ATP7B: variants seen among roughly 807,000 people sequenced by gnomAD.
ATP7B encodes the protein copper-transporting ATPase 2.
A neutral mutation model predicts 118.9 loss-of-function variants in ATP7B; 113 were observed. That is an observed-to-expected ratio of 0.95 (90% CI 0.82 to 1.11). The LOEUF is 1.11. Among genes scored for constraint, ATP7B ranks in the 50% most tolerant of loss-of-function variants. The probability of loss-of-function intolerance (pLI) is 0.00; values close to 1 mark genes in which losing one functional copy is unlikely to be tolerated. For synonymous variants in ATP7B, 777 were observed against 727.4 expected (o/e 1.07, Z -1.10); for missense variants, 1,867 against 1,871.4 (o/e 1.00, Z 0.04).
intron 7 of ATP7B, chr13:51,958,990 G>A: frequency 4.6e-6 from 1 of 215,338 alleles, no homozygotes; most frequent in Non-Finnish European, 9.4e-6. Context: ...AAAAAAGTCT[G>A]TATCTGTATT....
chr13:51,963,966 C>A (rs770362185), intron 5 of ATP7B, among the ~76,000 whole-genome samples: 5 of 150,450 alleles, frequency 3.3e-5, no homozygotes, highest in Non-Finnish European at 5.9e-5. Context: ...GTAGGAGAAT[C>A]TCTTGACCTG....
intron 1 of ATP7B, among the ~76,000 whole-genome samples, chr13:52,003,738 C>A (rs1287602762): frequency 6.6e-6 from 1 of 152,206 alleles, no homozygotes; most frequent in Non-Finnish European, 1.5e-5. Flanking sequence ...GGGCTTGCGG[C>A]CACAGGAGGA....
rs761251108 is a variant in ATP7B, at chr13:51,974,320, C to A, written c.900G>T (p.Lys300Asn). ...VSLENKTAQV[K>N]YDPSCTSPVA... is the part of the protein sequence containing the mutation. The stretch of plus-strand genomic sequence containing the variant: ...CTGGGCTGGTACAAGAAGGGTCATA[C>A]TTTACTTGGGCAGTTTTGTTCTCCA... The change falls in exon 2 of 21, where the codon AAG (lysine) becomes AAT (asparagine). Residue 300 changes from lysine to asparagine, a missense_variant. Coordinates refer to ENST00000242839, the MANE Select transcript of ATP7B (RefSeq NM_000053.4). 6.2e-7 allele frequency: 1 copy of A among 1,614,128 alleles called. No homozygotes were observed. Among genetic ancestry groups the A allele is most frequent in the East Asian group, 2.2e-5 (1 of 44,882 alleles).
rs1027290520 is a variant in ATP7B at position 51,952,704 on chromosome 13, T to C, written c.2448-2305A>G. On this transcript the variant is annotated intron_variant, in intron 9 of 20. Transcript: ENST00000242839. ...CAGGCATGTATGTTAAATATTTGCA[T>C]CATTATTTTCCTTTGTAAAAATTGT... Among the ~76,000 whole-genome samples, 5 of 152,368 alleles carry C rather than the reference T, an allele frequency of 3.3e-5. No homozygotes were observed. In the South Asian group the frequency reaches 1.0e-3, roughly 32 times the overall value.
chr13:51,995,627 G>T (rs537286819), intron 1 of ATP7B, among the ~76,000 whole-genome samples: 1 of 152,210 alleles, frequency 6.6e-6, no homozygotes, highest in Non-Finnish European at 1.5e-5. Context: ...GTGTTAGAGA[G>T]AAATGCTTTA....
chr13:51,937,023 G>C (rs1015367010), intron 19 of ATP7B, among the ~76,000 whole-genome samples: 8 of 152,056 alleles, frequency 5.3e-5, no homozygotes, highest in African/African-American at 1.9e-4. Context: ...AATAAAATAG[G>C]GATCAGAAAA....
intron 9 of ATP7B, among the ~76,000 whole-genome samples, chr13:51,956,636 C>G (rs912237207): frequency 6.6e-6 from 1 of 152,132 alleles, no homozygotes; most frequent in Non-Finnish European, 1.5e-5. Flanking sequence ...TCCATCTGAA[C>G]ACTTCTCCTT....
At chr13:51,942,871 G>C (rs1566470556) in intron 14 of ATP7B, among the ~76,000 whole-genome samples, 1 of 152,158 alleles carries the variant, frequency 6.6e-6, no homozygotes, top group Non-Finnish European at 1.5e-5. Flanking sequence ...AAAGGAAAAA[G>C]GCAACTCATA....
intron 7 of ATP7B, chr13:51,958,810 G>A: frequency 2.0e-6 from 1 of 500,386 alleles, no homozygotes; most frequent in Non-Finnish European, 3.6e-6. Flanking sequence ...ATGGTGAAAA[G>A]TTGGGGAAAA....
intron 1 of ATP7B, among the ~76,000 whole-genome samples, chr13:52,002,588 A>AGTGGAGGGGAGGGGAAGGGGAAAGGG (rs1953553579): frequency 1.2e-5 from 1 of 85,180 alleles, no homozygotes; most frequent in African/African-American, 4.5e-5. Flanking sequence ...GGGAGAGGGG[A>AGTGGAGGGGAGGGGAAGGGGAAAGGG]GGGGAGGGGA....
intron 10 of ATP7B, 22 bp from the exon 11 acceptor site, chr13:51,950,183 C>G (rs377578178): frequency 1.2e-6 from 2 of 1,614,176 alleles, no homozygotes; most frequent in African/African-American, 1.3e-5. Flanking sequence ...AAAGAGACAA[C>G]TGTCACTTGC....
chr13:51,935,482 T>A (rs1226829249), intron 20 of ATP7B, 111 bp downstream of exon 20: 1 of 1,206,474 alleles, frequency 8.3e-7, no homozygotes, highest in Non-Finnish European at 1.2e-6. Context: ...CTGCAGCATT[T>A]GTCCCAGGTG....
chr13:51,934,961 G>C lies in ATP7B; in HGVS notation c.4193C>G (p.Ser1398Cys), dbSNP rs754397173. 1 of 1,614,070 alleles carries C rather than the reference G, an allele frequency of 6.2e-7. No individual in the cohort carries two copies. The highest frequency in any genetic ancestry group is 1.1e-5 in the South Asian group (1 of 91,080). ...CATGCCTATGTGCACACTGACCTGG[G>C]ATGCCGTCAGGGGCTTCATGTGGCC... ...AHGHMKPLTA[S>C]QVSVHIGMDD... Residue 1398 changes from serine to cysteine, a missense_variant, in exon 21 of 21, where the codon TCC (serine) becomes TGC (cysteine). By Grantham distance (112) the Ser-to-Cys change is moderately radical. Coordinates refer to ENST00000242839, the MANE Select transcript of ATP7B (RefSeq NM_000053.4).
chr13:51,935,772 C>T lies in ATP7B; in HGVS notation c.4022-77G>A, dbSNP rs116788063. 3.8e-4 allele frequency: 521 copies of T among 1,363,798 alleles called. No individual in the cohort carries two copies. The African/African-American group carries it at 6.5e-3, about 17-fold the overall frequency. The allele number at this position is 1,363,798 out of a possible 1,614,324, so 84.5% of individuals were successfully genotyped here. A position where few individuals can be genotyped will look rare whatever the true frequency, so the allele number is the denominator to read the frequency against. ...GAGAGGGCTTCAGGCACCGGGCTGC[C>T]CCACCCTCAGCGGCCCCCAGTGAGG... On this transcript the variant is annotated intron_variant, in intron 19 of 20. Coordinates refer to ENST00000242839, the MANE Select transcript of ATP7B (RefSeq NM_000053.4).
At chr13:51,975,400 G>A (rs1952060054) in intron 1 of ATP7B, 1 of 703,252 alleles carries the variant, frequency 1.4e-6, no homozygotes, top group East Asian at 2.9e-5. Context: ...TTAGTGAAAT[G>A]TCGTTCTCAC....
Position 51,950,281 on chromosome 13 carries a change from G to A in ATP7B, c.2566C>T (p.Leu856Phe). ...LEGNTMADES[L>F]ITGEAMPVTK... Reference sequence around the variant, plus strand: ...AAACAAGCCATCTCACCTGTGATGAGGGACTCATCAGCCATGGTATTGCCT... The same window carrying A: ...AAACAAGCCATCTCACCTGTGATGAAGGACTCATCAGCCATGGTATTGCCT... Residue 856 changes from leucine to phenylalanine, a missense_variant, in exon 10 of 21, where the codon CTC becomes TTC. Coordinates refer to ENST00000242839, the MANE Select transcript of ATP7B (RefSeq NM_000053.4). 1.2e-6 allele frequency: 2 copies of A among 1,614,124 alleles called. No homozygotes were observed. The highest frequency in any genetic ancestry group is 1.7e-6 in the Non-Finnish European group (2 of 1,180,018).
intron 4 of ATP7B, chr13:51,966,731 C>T (rs1951568729): frequency 2.5e-6 from 4 of 1,576,064 alleles, no homozygotes; most frequent in Non-Finnish European, 3.4e-6. Flanking sequence ...GCCAGCCCGC[C>T]CGCACCCACC....
At chr13:51,965,382 G>A (rs760696361) in intron 4 of ATP7B, among the ~76,000 whole-genome samples, 63 of 152,166 alleles carry the variant, frequency 4.1e-4, no homozygotes, top group Admixed American at 4.1e-3. Flanking sequence ...ACTAATGCCT[G>A]TACGGGGTTG....
chr13:51,973,308 G>A (rs1211667796), intron 2 of ATP7B, among the ~76,000 whole-genome samples: 1 of 152,208 alleles, frequency 6.6e-6, no homozygotes, highest in Non-Finnish European at 1.5e-5. Context: ...CCAAATCCAA[G>A]GAGGTTCGCA....
Sources: allele counts gnomAD v4.1 joint callset (sites outside exome capture counted in the v4.1 genomes callset), GRCh38; gene constraint gnomAD v4.1.1; transcripts MANE v1.5; gene names NCBI Gene and HGNC (gene_info 2026-07-23, HGNC 2026-07-21).